LONP1: variants seen among roughly 807,000 people sequenced by gnomAD.
LONP1 encodes lon protease homolog, mitochondrial.
A neutral mutation model predicts 98.5 loss-of-function variants in LONP1; 31 were observed. That is an observed-to-expected ratio of 0.31 (90% CI 0.24 to 0.42). The LOEUF is 0.42. Ranked by LOEUF, LONP1 falls within the 20% of genes least tolerant of loss-of-function variation. The pLI, the probability that LONP1 is intolerant of heterozygous loss-of-function variation, is 1.00. For synonymous variants in LONP1, 781 were observed against 594.7 expected (o/e 1.31, Z -4.56); for missense variants, 1,336 against 1,350.6 (o/e 0.99, Z 0.17).
intron 4 of LONP1, 60 bp downstream of exon 4, chr19:5,711,711 G>T: frequency 2.1e-6 from 3 of 1,421,406 alleles, no homozygotes; most frequent in Non-Finnish European, 1.9e-6. Flanking sequence ...CCGCAGGAAC[G>T]GCTCAAGGGA....
intron 1 of LONP1, among the ~76,000 whole-genome samples, chr19:5,716,931 CT>C (rs1244203469): frequency 6.6e-6 from 1 of 151,992 alleles, no homozygotes; most frequent in East Asian, 1.9e-4. Context: ...GTAGCTGGGA[CT>C]ACGGGCGCCC....
intron 9 of LONP1, among the ~76,000 whole-genome samples, chr19:5,699,918 G>A (rs2055011008): frequency 6.6e-6 from 1 of 151,816 alleles, no homozygotes; most frequent in African/African-American, 2.4e-5. Flanking sequence ...AATGTCTCAG[G>A]AGTGATATTT....
Position 5,694,466 on chromosome 19 carries a change from C to T in LONP1, c.2241G>A (p.Gly747=). The change falls in exon 15 of 18, where the codon GGG becomes GGA. Residue 747 remains glycine, a synonymous_variant. Coordinates refer to ENST00000360614, the MANE Select transcript of LONP1 (RefSeq NM_004793.4). ...VTPENLQDFV[G]KPVFTVERMY... ...TGCGCTCCACGGTGAACACGGGCTTCCCCACGAAGTCCTGCAGGTTCTCGG... is the reference window on the plus strand; with the variant it reads ...TGCGCTCCACGGTGAACACGGGCTTTCCCACGAAGTCCTGCAGGTTCTCGG... 6.2e-7 allele frequency: 1 copy of T among 1,613,476 alleles called. No homozygotes were observed. The highest frequency in any genetic ancestry group is 8.5e-7 in the Non-Finnish European group (1 of 1,180,024).
chr19:5,702,031 TGAG>T (rs1261552576), intron 8 of LONP1, among the ~76,000 whole-genome samples: 6 of 149,534 alleles, frequency 4.0e-5, no homozygotes, highest in African/African-American at 1.5e-4. Flanking sequence ...GTCTGAGAAG[TGAG>T]GAGCGTCTCC....
intron 4 of LONP1, among the ~76,000 whole-genome samples, chr19:5,709,994 C>T (rs1162148594): frequency 3.3e-5 from 5 of 150,216 alleles, no homozygotes; most frequent in Non-Finnish European, 5.9e-5. Context: ...TAAGTTTGGT[C>T]GCTGTCTTCC....
At position 5,719,198 on chromosome 19, in the gene LONP1, A is replaced by C. The variant is rs568098164; in HGVS notation, c.429+506T>G. On this transcript the variant is annotated intron_variant, in intron 1 of 17. Transcript: ENST00000360614. The stretch of plus-strand genomic sequence containing the variant: ...CGCGCGCCACCATGCCCAGCTTCAA[A>C]GGCAGAAATTTTTGTCTGTTTTGTT... Among the ~76,000 whole-genome samples the C allele has an allele frequency of 1.1e-3, 173 of 152,280 alleles. 1 individual carries two copies. The highest frequency in any genetic ancestry group is 3.9e-3 in the African/African-American group (164 of 41,556).
chr19:5,706,292 C>G (rs1466838256), intron 7 of LONP1, among the ~76,000 whole-genome samples: 1 of 152,130 alleles, frequency 6.6e-6, no homozygotes, highest in Non-Finnish European at 1.5e-5. Context: ...ACCTGCCACA[C>G]CTGGCTCTAA....
At position 5,707,148 on chromosome 19, in the gene LONP1, C is replaced by G. The variant is rs200139379; in HGVS notation, c.1063-5G>C. The stretch of plus-strand genomic sequence containing the variant: ...CTTGTACAGCCGCTTAGGAATCTGC[C>G]GAGACAGGGAGGACAGAAAGGATGA... On this transcript the variant is annotated splice_region_variant and splice_polypyrimidine_tract_variant and intron_variant, in intron 6 of 17. Coordinates refer to ENST00000360614, the MANE Select transcript of LONP1 (RefSeq NM_004793.4). 1.2e-6 allele frequency: 2 copies of G among 1,612,246 alleles called. No homozygotes were observed. Among genetic ancestry groups the G allele is most frequent in the South Asian group, 2.2e-5 (2 of 91,010 alleles).
At chr19:5,700,590 T>C (rs2055022552) in intron 9 of LONP1, among the ~76,000 whole-genome samples, 199 bp downstream of exon 9, 2 of 152,196 alleles carry the variant, frequency 1.3e-5, no homozygotes, top group Admixed American at 6.5e-5. Flanking sequence ...CCGTCAGGCA[T>C]GACTTCAGTC....
chr19:5,710,755 G>C (rs1357469825), intron 4 of LONP1, among the ~76,000 whole-genome samples: 1 of 152,180 alleles, frequency 6.6e-6, no homozygotes, highest in Non-Finnish European at 1.5e-5. Flanking sequence ...GCCGGGCACA[G>C]TGGCTCACGA....
Position 5,719,913 on chromosome 19 carries a change from G to A in LONP1, c.220C>T (p.Arg74Cys), listed in dbSNP as rs770580047. ...CCCCCCGAGAATGCGCCTCCGCCGC[G>A]GCTGCTCGCTTCCCAAAACCCCCGC... The part of the protein sequence containing the change: ...QWRGFWEASS[R>C]GGGAFSGGED... The change falls in exon 1 of 18, where the codon CGC becomes TGC. Residue 74 changes from arginine to cysteine, a missense_variant. Physicochemically the swap from Arg to Cys is radical, Grantham distance 180. Transcript: ENST00000360614. The A allele has an allele frequency of 5.8e-6, 9 of 1,549,640 alleles. 1 individual carries two copies. The South Asian group carries it at 5.9e-5, about 10-fold the overall frequency.
rs746623652 is a variant in LONP1 at position 5,691,880 on chromosome 19, G to A, written c.*152C>T. ...TTAAATAGCTTCTATGCCACACTCT[G>A]ATTAAGCCGACTGAGGTCCCTGGGA... On this transcript the variant is annotated 3_prime_UTR_variant, in exon 18 of 18. Coordinates refer to ENST00000360614, the MANE Select transcript of LONP1 (RefSeq NM_004793.4). 41 of 904,282 alleles carry A rather than the reference G, an allele frequency of 4.5e-5. No homozygotes were observed. Among genetic ancestry groups the A allele is most frequent in the Non-Finnish European group, 6.6e-5 (40 of 604,846 alleles). 56.0% of individuals were successfully genotyped at this position (904,282 alleles called of 1,614,324 possible). A position where few individuals can be genotyped will look rare whatever the true frequency, so the allele number is the denominator to read the frequency against.
rs559651397 is a variant in LONP1, at chr19:5,713,628, C to A, written c.519-375G>T. On this transcript the variant is annotated intron_variant, in intron 2 of 17. Coordinates refer to ENST00000360614, the MANE Select transcript of LONP1 (RefSeq NM_004793.4). ...CCAGGCTGGAGAGCAATGGTGTAAT[C>A]TCAGCTCACTGCAACCTCCACTTAC... Among the ~76,000 whole-genome samples the A allele has an allele frequency of 5.9e-5, 9 of 152,308 alleles. No homozygotes were observed. The South Asian group carries it at 1.9e-3, about 32-fold the overall frequency.
intron 1 of LONP1, among the ~76,000 whole-genome samples, chr19:5,717,848 G>C (rs1038980645): frequency 1.3e-5 from 2 of 151,770 alleles, no homozygotes; most frequent in Non-Finnish European, 2.9e-5. Context: ...CCAAGTAGCT[G>C]GGAAGACAGG....
At chr19:5,701,959 G>A (rs2055054224) in intron 8 of LONP1, among the ~76,000 whole-genome samples, 1 of 151,744 alleles carries the variant, frequency 6.6e-6, no homozygotes, top group Non-Finnish European at 1.5e-5. Context: ...TCTGGGAGGG[G>A]AAGAGCGTCT....
At position 5,712,271 on chromosome 19, in the gene LONP1, C is replaced by T. The variant is rs569292034; in HGVS notation, c.639-269G>A. Among the ~76,000 whole-genome samples, 43 of 152,312 alleles carry T rather than the reference C, an allele frequency of 2.8e-4. 2 individuals carry two copies. In the South Asian group the frequency reaches 8.7e-3, roughly 31 times the overall value. The stretch of plus-strand genomic sequence containing the variant: ...GCATCACTGTCCCCATCCTAAGTAT[C>T]GTGGATAAGCTGCAGTGACAAGCCC... On this transcript the variant is annotated intron_variant, in intron 3 of 17. Transcript: ENST00000360614.
intron 9 of LONP1, among the ~76,000 whole-genome samples, chr19:5,700,504 C>T (rs1408038511): frequency 6.6e-6 from 1 of 151,960 alleles, no homozygotes; most frequent in African/African-American, 2.4e-5. Context: ...ACAGCCTCAA[C>T]TTCCTGGGCT....
chr19:5,693,677 G>A lies in LONP1; in HGVS notation c.2413C>T (p.Gln805Ter). Residue 805 changes from glutamine (Q) to a stop codon, truncating the protein, a stop_gained, in exon 16 of 18, where the codon CAG (glutamine) becomes TAG (stop). Coordinates refer to ENST00000360614, the MANE Select transcript of LONP1 (RefSeq NM_004793.4). LOFTEE classifies it high-confidence loss of function. The part of the protein sequence containing the change: ...DKDGSLEVTG[Q>*]LGEVMKESAR... ...CTCTCCTTCATCACCTCCCCCAGCT[G>A]GCCTGTCACCTCCAGGCTGCCATCC... 1 of 1,614,096 alleles carries A rather than the reference G, an allele frequency of 6.2e-7. No homozygotes were observed. The highest frequency in any genetic ancestry group is 8.5e-7 in the Non-Finnish European group (1 of 1,180,002).
At chr19:5,704,088 CA>C (rs2145604782) in intron 8 of LONP1, among the ~76,000 whole-genome samples, 1 of 152,296 alleles carries the variant, frequency 6.6e-6, no homozygotes, top group East Asian at 1.9e-4. Flanking sequence ...CTGGGTGACC[CA>C]GGGGGCCCAG....
Sources: allele counts gnomAD v4.1 joint callset (sites outside exome capture counted in the v4.1 genomes callset), GRCh38; gene constraint gnomAD v4.1.1; transcripts MANE v1.5; gene names NCBI Gene and HGNC (gene_info 2026-07-23, HGNC 2026-07-21).